PREX1: variants seen among roughly 807,000 people sequenced by gnomAD.
PREX1 encodes the protein phosphatidylinositol 3,4,5-trisphosphate-dependent Rac exchanger 1 protein.
Under a neutral mutation model 198.3 loss-of-function variants are expected in PREX1, and 41 were observed. The observed-to-expected ratio is 0.21, with a 90% CI of 0.16 to 0.27. The LOEUF (loss-of-function observed/expected upper bound fraction) is 0.27, where lower values mean the gene tolerates loss of function less well. Ranked by LOEUF, PREX1 falls within the 10% of genes least tolerant of loss-of-function variation. The probability of loss-of-function intolerance (pLI) is 1.00; values close to 1 mark genes in which losing one functional copy is unlikely to be tolerated. For missense variants in PREX1, 1,620 were observed against 2,200.7 expected (o/e 0.74, Z 5.28); for synonymous variants, 843 against 887.2 (o/e 0.95, Z 0.89).
At chr20:48,649,893 AGCC>A (rs1462457516) in intron 24 of PREX1, 100 bp downstream of exon 24, 9 of 1,338,254 alleles carry the variant, frequency 6.7e-6, no homozygotes, top group Non-Finnish European at 9.5e-6. Flanking sequence ...ATGACCATGG[AGCC>A]GCCATTCCAG....
chr20:48,878,634 G>A, the PREX1 span, among the ~76,000 whole-genome samples: 10 of 152,182 alleles, frequency 6.6e-5, no homozygotes, highest in Admixed American at 2.0e-4. Flanking sequence ...CACCGCGCCC[G>A]GCCACATTCC....
In PREX1 at chr20:48,827,449, C is replaced by A. The variant is rs1333884739; in HGVS notation, c.219+193G>T. Among the ~76,000 whole-genome samples, 1 of 152,156 alleles carries A rather than the reference C, an allele frequency of 6.6e-6. No individual in the cohort carries two copies. Among genetic ancestry groups the A allele is most frequent in the African/African-American group, 2.4e-5 (1 of 41,446 alleles). ...GGGAGAGCCCCGGTCGGAGCAGGACCGTGCGCCGGCCAGGGAGGGAGGCGA... is the reference window on the plus strand; with the variant it reads ...GGGAGAGCCCCGGTCGGAGCAGGACAGTGCGCCGGCCAGGGAGGGAGGCGA... On this transcript the variant is annotated intron_variant, in intron 1 of 39. Coordinates refer to ENST00000371941, the MANE Select transcript of PREX1 (RefSeq NM_020820.4). The surrounding 1 kb of genome is among the most constrained non-coding windows in gnomAD (Gnocchi z 4.1).
the PREX1 span, among the ~76,000 whole-genome samples, chr20:48,878,372 C>G: frequency 6.6e-6 from 1 of 151,962 alleles, no homozygotes; most frequent in Non-Finnish European, 1.5e-5. Context: ...TGGAGTCTCA[C>G]TCTGTTGCCT....
At chr20:48,667,048 G>A (rs1305456432) in intron 14 of PREX1, among the ~76,000 whole-genome samples, 3 of 152,054 alleles carry the variant, frequency 2.0e-5, no homozygotes, top group African/African-American at 7.2e-5. Context: ...GGGATGCTCT[G>A]GCAAAAACCC....
the PREX1 span, among the ~76,000 whole-genome samples, chr20:48,848,991 G>A: frequency 1.3e-5 from 2 of 151,834 alleles, no homozygotes; most frequent in African/African-American, 4.8e-5. Context: ...ACCCACCTCA[G>A]CCTCCCAAAG....
intron 1 of PREX1, among the ~76,000 whole-genome samples, chr20:48,769,185 T>G (rs1417687377): frequency 2.6e-5 from 4 of 152,166 alleles, no homozygotes; most frequent in Non-Finnish European, 5.9e-5. Flanking sequence ...ACCCCCTCGC[T>G]GCCTCCCAAC....
At chr20:48,703,524 G>C (rs571252178) in intron 6 of PREX1, among the ~76,000 whole-genome samples, 1 of 152,168 alleles carries the variant, frequency 6.6e-6, no homozygotes, top group Non-Finnish European at 1.5e-5. Flanking sequence ...CGCAGCACAC[G>C]GCAGACAACC....
At chr20:48,792,791 G>A (rs1430926270) in intron 1 of PREX1, among the ~76,000 whole-genome samples, 1 of 111,618 alleles carries the variant, frequency 9.0e-6, no homozygotes, top group Non-Finnish European at 1.8e-5. Flanking sequence ...CAATGTGGAA[G>A]AAGCCAGATA....
At chr20:48,675,865 C>T (rs1252128513) in intron 14 of PREX1, among the ~76,000 whole-genome samples, 2 of 152,048 alleles carry the variant, frequency 1.3e-5, no homozygotes, top group Non-Finnish European at 2.9e-5. Context: ...AGTGAAACCC[C>T]GACTCTACTA....
At chr20:48,754,141 A>G (rs1266639195) in intron 1 of PREX1, among the ~76,000 whole-genome samples, 1 of 152,210 alleles carries the variant, frequency 6.6e-6, no homozygotes, top group Non-Finnish European at 1.5e-5. Context: ...GAGCTGGGAG[A>G]GGCAACTAGA....
At chr20:48,780,756 G>C (rs1392732166) in intron 1 of PREX1, among the ~76,000 whole-genome samples, 8 of 152,272 alleles carry the variant, frequency 5.3e-5, no homozygotes, top group African/African-American at 1.7e-4. Flanking sequence ...AGACCCACCG[G>C]TGGATGCTAA....
At chr20:48,820,954 C>G (rs955957613) in intron 1 of PREX1, among the ~76,000 whole-genome samples, 14 of 152,044 alleles carry the variant, frequency 9.2e-5, no homozygotes, top group African/African-American at 3.1e-4. Context: ...AATCCCAGCA[C>G]TGTGGGAGGC....
chr20:48,650,802 G>A (rs1408089785), intron 23 of PREX1, 92 bp downstream of exon 23: 1 of 1,476,874 alleles, frequency 6.8e-7, no homozygotes, highest in Non-Finnish European at 9.2e-7. Flanking sequence ...GCTGAGTTGG[G>A]TTGGGCTTTG....
At chr20:48,885,373 C>A in the PREX1 span, among the ~76,000 whole-genome samples, 1 of 152,146 alleles carries the variant, frequency 6.6e-6, no homozygotes, top group Admixed American at 6.6e-5. Flanking sequence ...TATAGTAGAG[C>A]TTTGGTTTAA....
intron 1 of PREX1, among the ~76,000 whole-genome samples, chr20:48,774,433 G>A (rs377716279): frequency 4.6e-5 from 7 of 152,192 alleles, no homozygotes; most frequent in South Asian, 2.1e-4. Context: ...GACAGAGCCC[G>A]AGAATGAAGG....
At chr20:48,658,002 C>G (rs963071724) in intron 17 of PREX1, 134 bp downstream of exon 17, 6 of 894,620 alleles carry the variant, frequency 6.7e-6, no homozygotes, top group Non-Finnish European at 1.0e-5. Context: ...AGTTTCTCCA[C>G]GTGAGCAATG....
At chr20:48,738,439 C>T (rs909387231) in intron 3 of PREX1, among the ~76,000 whole-genome samples, 12 of 152,212 alleles carry the variant, frequency 7.9e-5, no homozygotes, top group African/African-American at 2.9e-4. Flanking sequence ...GACAACATCC[C>T]CTCTGCAGCA....
intron 13 of PREX1, among the ~76,000 whole-genome samples, chr20:48,677,860 C>G (rs771935967): frequency 2.0e-5 from 3 of 151,816 alleles, no homozygotes; most frequent in Admixed American, 6.6e-5. Context: ...GTGGTGCATG[C>G]CTGTAATCCC....
At chr20:48,726,007 C>T (rs192615980) in intron 5 of PREX1, among the ~76,000 whole-genome samples, 180 of 152,292 alleles carry the variant, frequency 1.2e-3, no homozygotes, top group Middle Eastern at 6.8e-3. Context: ...AATCTCAGGA[C>T]TTTCCTCAGC....
Sources: gnomAD v4.1 joint callset for allele counts (sites outside exome capture counted in the v4.1 genomes callset) on GRCh38, gnomAD v4.1.1 for gene constraint, Gnocchi (gnomAD v3.1) non-coding constraint, MANE v1.5 for transcripts, NCBI Gene and HGNC (gene_info 2026-07-23, HGNC 2026-07-21) for gene names.